LGSN: variants seen among roughly 807,000 people sequenced by gnomAD.
LGSN encodes the protein lengsin.
In LGSN, 21 loss-of-function variants were observed where a neutral mutation model predicts 19.5. The ratio of observed to expected loss-of-function variants is 1.07; its 90% CI spans 0.76 to 1.55. The LOEUF (loss-of-function observed/expected upper bound fraction) is 1.55. Among genes scored for constraint, LGSN ranks in the 40% most tolerant of loss-of-function variants. The pLI is 0.00. For synonymous variants in LGSN, 257 were observed against 215.6 expected, an observed-to-expected ratio of 1.19 and a Z score of -1.68; for missense variants, 673 against 608.5, an observed-to-expected ratio of 1.11 and a Z score of -1.12.
the LGSN span, among the ~76,000 whole-genome samples, chr6:63,486,348 C>T: frequency 1.3e-5 from 2 of 152,140 alleles, no homozygotes; most frequent in Non-Finnish European, 2.9e-5. Flanking sequence ...TCCTACCTGT[C>T]AAGCAGCCAA....
the LGSN span, among the ~76,000 whole-genome samples, chr6:63,403,509 C>A: frequency 1.3e-5 from 2 of 151,718 alleles, no homozygotes; most frequent in South Asian, 2.1e-4. Context: ...AAATCCAATG[C>A]AAGCAGAAAA....
chr6:63,404,785 A>G, the LGSN span, among the ~76,000 whole-genome samples: 1 of 151,578 alleles, frequency 6.6e-6, no homozygotes, highest in Non-Finnish European at 1.5e-5. Context: ...TAATATACTA[A>G]AAAAAAGTAT....
At chr6:63,492,506 A>T in the LGSN span, among the ~76,000 whole-genome samples, 123 of 152,360 alleles carry the variant, frequency 8.1e-4, no homozygotes, top group Middle Eastern at 3.4e-3. Flanking sequence ...GAGTGAATTA[A>T]ACATCAAGGC....
chr6:63,424,910 C>T, the LGSN span, among the ~76,000 whole-genome samples: 1 of 151,528 alleles, frequency 6.6e-6, no homozygotes, highest in Non-Finnish European at 1.5e-5. Context: ...GACCCTATCT[C>T]CATAAAAAAA....
chr6:63,311,508 T>C (rs1373312177), intron 1 of LGSN, among the ~76,000 whole-genome samples: 1 of 152,206 alleles, frequency 6.6e-6, no homozygotes, highest in Non-Finnish European at 1.5e-5. Context: ...TTTGGAGCAT[T>C]GTCCCCACAA....
the LGSN span, among the ~76,000 whole-genome samples, chr6:63,363,092 G>A: frequency 4.6e-5 from 7 of 152,198 alleles, no homozygotes; most frequent in Non-Finnish European, 7.3e-5. Context: ...AGGGTCTGGA[G>A]TGGACCTCCA....
the LGSN span, among the ~76,000 whole-genome samples, chr6:63,430,496 C>G: frequency 6.6e-6 from 1 of 152,126 alleles, no homozygotes; most frequent in African/African-American, 2.4e-5. Context: ...TCAAGCAATT[C>G]TTCTGCCTCA....
the LGSN span, among the ~76,000 whole-genome samples, chr6:63,382,063 T>C: frequency 2.7e-5 from 4 of 150,656 alleles, no homozygotes; most frequent in African/African-American, 9.7e-5. Context: ...AGTGCTATTC[T>C]TCTTCAATCA....
At chr6:63,403,898 C>T in the LGSN span, among the ~76,000 whole-genome samples, 2 of 152,102 alleles carry the variant, frequency 1.3e-5, no homozygotes, top group Admixed American at 6.6e-5. Flanking sequence ...ATGAGATACA[C>T]GTGTTTACAT....
the LGSN span, among the ~76,000 whole-genome samples, chr6:63,407,800 C>T: frequency 6.6e-6 from 1 of 152,192 alleles, no homozygotes; most frequent in Non-Finnish European, 1.5e-5. Context: ...AGCCCAAAAT[C>T]TCCTTAAGCT....
At chr6:63,453,032 G>T in the LGSN span, among the ~76,000 whole-genome samples, 3 of 151,998 alleles carry the variant, frequency 2.0e-5, no homozygotes, top group African/African-American at 7.2e-5. Flanking sequence ...TTTAACTATG[G>T]TATCTTCTTT....
intron 2 of LGSN, among the ~76,000 whole-genome samples, chr6:63,288,135 T>C (rs955946858): frequency 1.3e-5 from 2 of 151,818 alleles, no homozygotes; most frequent in Non-Finnish European, 2.9e-5. Flanking sequence ...GGAGAATCTC[T>C]TGAGCCTGGG....
chr6:63,389,865 G>A, the LGSN span, among the ~76,000 whole-genome samples: 5 of 151,856 alleles, frequency 3.3e-5, no homozygotes, highest in South Asian at 4.1e-4. Context: ...TAGTCATTGT[G>A]CTCCAGACAT....
chr6:63,416,059 T>A, the LGSN span, among the ~76,000 whole-genome samples: 1 of 152,048 alleles, frequency 6.6e-6, no homozygotes, highest in African/African-American at 2.4e-5. Flanking sequence ...TAAACCTAGA[T>A]TATTTCATCT....
the LGSN span, among the ~76,000 whole-genome samples, chr6:63,406,961 C>A: frequency 6.6e-6 from 1 of 152,184 alleles, no homozygotes; most frequent in Non-Finnish European, 1.5e-5. Flanking sequence ...CACCTACACC[C>A]TCCCAAGACT....
chr6:63,561,811 C>G, the LGSN span, among the ~76,000 whole-genome samples: 1 of 152,166 alleles, frequency 6.6e-6, no homozygotes, highest in Non-Finnish European at 1.5e-5. Flanking sequence ...ATAATCAGAT[C>G]AACTATCCAA....
the LGSN span, among the ~76,000 whole-genome samples, chr6:63,327,552 A>G: frequency 6.6e-6 from 1 of 152,136 alleles, no homozygotes; most frequent in African/African-American, 2.4e-5. Context: ...AGTATTGGAG[A>G]GTCGCTGCTG....
chr6:63,282,536 T>C (rs1443803554), intron 3 of LGSN, among the ~76,000 whole-genome samples: 2 of 152,216 alleles, frequency 1.3e-5, no homozygotes, highest in Non-Finnish European at 2.9e-5. Flanking sequence ...CTATTTCTTA[T>C]GCTACCTCCA....
chr6:63,541,749 T>C, the LGSN span, among the ~76,000 whole-genome samples: 1 of 152,174 alleles, frequency 6.6e-6, no homozygotes, highest in Non-Finnish European at 1.5e-5. Flanking sequence ...CATTTATTAA[T>C]ATATTTACCA....
Sources: gnomAD v4.1 joint callset for allele counts (sites outside exome capture counted in the v4.1 genomes callset) on GRCh38, gnomAD v4.1.1 for gene constraint, MANE v1.5 for transcripts, NCBI Gene and HGNC (gene_info 2026-07-23, HGNC 2026-07-21) for gene names.